KLHL5: variants seen among roughly 807,000 people sequenced by gnomAD.
KLHL5 encodes kelch-like protein 5.
In KLHL5, 48 loss-of-function variants were observed where a neutral mutation model predicts 77.7. That is an observed-to-expected ratio of 0.62 (90% CI 0.49 to 0.79). KLHL5 has a LOEUF of 0.79. KLHL5 is among the 30% of genes least tolerant of loss of function. The pLI is 0.00. For missense variants in KLHL5, 723 were observed against 859.7 expected (o/e 0.84, Z 1.99); for synonymous variants, 260 against 297.0 (o/e 0.88, Z 1.28).
chr4:39,118,349 T>G lies in KLHL5; in HGVS notation c.2074-2661T>G, dbSNP rs547133029. 2.0e-5 allele frequency among the ~76,000 whole-genome samples: 3 copies of G among 151,720 alleles called. No individual in the cohort carries two copies. The East Asian group carries it at 5.8e-4, about 29-fold the overall frequency. On this transcript the variant is annotated intron_variant, in intron 10 of 10. Coordinates refer to ENST00000504108, the MANE Select transcript of KLHL5 (RefSeq NM_015990.5). ...ATTAGAGCCAAGGATTTTTTTTTTT[T>G]GCTCCACAATAGAGATGACAAGAAG...
intron 5 of KLHL5, among the ~76,000 whole-genome samples, chr4:39,090,342 TTACA>T (rs570148125): frequency 4.1e-4 from 63 of 152,184 alleles, no homozygotes; most frequent in Non-Finnish European, 7.9e-4. Flanking sequence ...GGGATTCAAC[TTACA>T]TACAGTAATT....
At chr4:39,088,788 G>A (rs78256676) in intron 5 of KLHL5, among the ~76,000 whole-genome samples, 1,537 of 152,214 alleles carry the variant, frequency 0.01, 24 homozygotes, top group African/African-American at 0.035. Flanking sequence ...AAAAGAGGGG[G>A]CATGATAACC....
intron 1 of KLHL5, among the ~76,000 whole-genome samples, chr4:39,055,196 A>T (rs1446325507): frequency 6.6e-6 from 1 of 152,218 alleles, no homozygotes; most frequent in Non-Finnish European, 1.5e-5. Flanking sequence ...GGGGTCCTCA[A>T]GAATATAAGG....
At position 39,107,701 on chromosome 4, in the gene KLHL5, G is replaced by A. The variant is rs1238060195; in HGVS notation, c.1658G>A (p.Ser553Asn). Reference protein sequence around the residue: ...NFVATMSTPRSTVGVAVLSGK... With the variant: ...NFVATMSTPRNTVGVAVLSGK... Reference sequence around the variant, plus strand: ...GTTGCCACTATGTCTACCCCTAGGAGTACAGTAGGTGTGGCAGTACTAAGT... The same window carrying A: ...GTTGCCACTATGTCTACCCCTAGGAATACAGTAGGTGTGGCAGTACTAAGT... The change falls in exon 8 of 11, where the codon AGT becomes AAT. Residue 553 changes from serine to asparagine, a missense_variant. By Grantham distance (46) the Ser-to-Asn change is conservative. This residue lies in a region of KLHL5 where 214 missense variants were observed against 237.4 expected (regional missense o/e 0.90). Transcript: ENST00000504108. The A allele has an allele frequency of 1.9e-6, 3 of 1,610,186 alleles. No homozygotes were observed. The East Asian group carries it at 6.7e-5, about 36-fold the overall frequency.
chr4:39,083,510 G>T (rs184539284), intron 4 of KLHL5, among the ~76,000 whole-genome samples: 2 of 152,212 alleles, frequency 1.3e-5, no homozygotes, highest in Non-Finnish European at 2.9e-5. Context: ...AAAATAAAGA[G>T]ATTGTACAAC....
chr4:39,071,573 A>G (rs1375405472), intron 1 of KLHL5, among the ~76,000 whole-genome samples: 4 of 152,194 alleles, frequency 2.6e-5, no homozygotes, highest in Non-Finnish European at 5.9e-5. Flanking sequence ...TAGAGTTGCT[A>G]TTTCACTTTT....
the KLHL5 span, among the ~76,000 whole-genome samples, chr4:39,140,920 G>T: frequency 6.6e-6 from 1 of 152,190 alleles, no homozygotes; most frequent in Non-Finnish European, 1.5e-5. Flanking sequence ...CCCTGTGGAA[G>T]AGATAAGAGA....
chr4:39,063,629 A>G, intron 1 of KLHL5: 1 of 430,166 alleles, frequency 2.3e-6, no homozygotes, highest in Non-Finnish European at 4.7e-6. Flanking sequence ...ACAGCTACTA[A>G]TTCCTGTTAC....
Position 39,047,653 on chromosome 4 carries a change from G to A in KLHL5, c.-95+2557G>A, listed in dbSNP as rs184896423. On this transcript the variant is annotated intron_variant, in intron 1 of 11. Coordinates refer to the KLHL5 transcript ENST00000261425. ...ATTGTTCTGCAAGTTGCCTGTTGAAGGACCTCTAGGGCACCTTCTTCTGTG... is the reference window on the plus strand; with the variant it reads ...ATTGTTCTGCAAGTTGCCTGTTGAAAGACCTCTAGGGCACCTTCTTCTGTG... Among the ~76,000 whole-genome samples the A allele has an allele frequency of 3.3e-5, 5 of 152,312 alleles. No individual in the cohort carries two copies. The East Asian group carries it at 5.8e-4, about 18-fold the overall frequency.
At chr4:39,093,633 T>C (rs1393608875) in intron 5 of KLHL5, among the ~76,000 whole-genome samples, 1 of 151,426 alleles carries the variant, frequency 6.6e-6, no homozygotes, top group Non-Finnish European at 1.5e-5. Flanking sequence ...GGGCAAGGCA[T>C]GGTGGCTCAT....
At chr4:39,051,045 C>T (rs551933336) in intron 1 of KLHL5, among the ~76,000 whole-genome samples, 5 of 152,186 alleles carry the variant, frequency 3.3e-5, no homozygotes, top group Non-Finnish European at 7.4e-5. Flanking sequence ...GCAGGAAGAA[C>T]GGCACATGTA....
chr4:39,137,343 A>C, the KLHL5 span, among the ~76,000 whole-genome samples: 81,363 of 150,446 alleles, frequency 0.54, 22,263 homozygotes, highest in Admixed American at 0.59. Context: ...CTAAATACCA[A>C]TTTTTACAAA....
rs1442557200 is a variant in KLHL5 at position 39,121,174 on chromosome 4, G to A, written c.*108G>A. 1.2e-5 allele frequency: 10 copies of A among 848,728 alleles called. No individual in the cohort carries two copies. Among genetic ancestry groups the A allele is most frequent in the Non-Finnish European group, 1.9e-5 (10 of 517,128 alleles). 52.6% of individuals were successfully genotyped at this position (848,728 alleles called of 1,614,324 possible). On this transcript the variant is annotated 3_prime_UTR_variant, in exon 11 of 11. Transcript: ENST00000504108. ...GTAAATGTGCATTGTCACAATCCTG[G>A]GCACAAAGTGCCTGATGTCAAAATG...
At chr4:39,101,323 T>C (rs1247133979) in intron 6 of KLHL5, among the ~76,000 whole-genome samples, 2 of 151,816 alleles carry the variant, frequency 1.3e-5, no homozygotes, top group South Asian at 2.1e-4. Context: ...TAGCTTTTTA[T>C]TTGTTGGAGG....
intron 2 of KLHL5, among the ~76,000 whole-genome samples, chr4:39,077,391 G>T (rs1449241420): frequency 6.6e-6 from 1 of 151,978 alleles, no homozygotes; most frequent in Non-Finnish European, 1.5e-5. Context: ...GAACCCAGGA[G>T]GCAGAGCTTG....
chr4:39,123,211 T>G lies in KLHL5; in HGVS notation c.*2145T>G, dbSNP rs1195669565. 6.6e-6 allele frequency among the ~76,000 whole-genome samples: 1 copy of G among 152,146 alleles called. No homozygotes were observed. Among genetic ancestry groups the G allele is most frequent in the East Asian group, 1.9e-4 (1 of 5,202 alleles). ...ACAGACCTGTAACAAGTAAAGAGAT[T>G]GAACCAGTAATCAAAAATCTCCCAA... On this transcript the variant is annotated 3_prime_UTR_variant, in exon 11 of 11. Coordinates refer to ENST00000504108, the MANE Select transcript of KLHL5 (RefSeq NM_015990.5).
intron 7 of KLHL5, 113 bp downstream of exon 7, chr4:39,103,624 C>T: frequency 2.6e-6 from 2 of 781,222 alleles, no homozygotes; most frequent in East Asian, 2.5e-5. Flanking sequence ...CAGCAGTCAC[C>T]AAGCATTCCT....
rs959342269 is a variant in KLHL5 at position 39,126,091 on chromosome 4, G to A, written c.*5025G>A. Among the ~76,000 whole-genome samples, 7 of 152,114 alleles carry A rather than the reference G, an allele frequency of 4.6e-5. No individual in the cohort carries two copies. Among genetic ancestry groups the A allele is most frequent in the African/African-American group, 4.8e-5 (2 of 41,416 alleles). On this transcript the variant is annotated 3_prime_UTR_variant, in exon 11 of 11. Coordinates refer to ENST00000504108, the MANE Select transcript of KLHL5 (RefSeq NM_015990.5). ...AGAGTTAACGGGGAACTTCCCCACC[G>A]TCCGGTACATGGCAGGCATTCCACA...
chr4:39,132,537 A>T, the KLHL5 span, among the ~76,000 whole-genome samples: 1 of 151,984 alleles, frequency 6.6e-6, no homozygotes, highest in African/African-American at 2.4e-5. Context: ...TGAGCCCAGG[A>T]GCAGAGGTTG....
Sources: allele counts gnomAD v4.1 joint callset (sites outside exome capture counted in the v4.1 genomes callset), GRCh38; gene constraint gnomAD v4.1.1; regional missense constraint gnomAD v4.1.1; transcripts MANE v1.5; gene names NCBI Gene and HGNC (gene_info 2026-07-23, HGNC 2026-07-21).